ATL2: variants seen among roughly 807,000 people sequenced by gnomAD.
ATL2 encodes the protein atlastin GTPase 2, also known as atlastin-2.
Under a neutral mutation model 73.9 loss-of-function variants are expected in ATL2, and 31 were observed. That is an observed-to-expected ratio of 0.42 (90% CI 0.32 to 0.57). The LOEUF (loss-of-function observed/expected upper bound fraction) is 0.57, where lower values mean the gene tolerates loss of function less well. ATL2 is among the 20% of genes least tolerant of loss of function. The pLI is 0.14. For synonymous variants in ATL2, 291 were observed against 237.5 expected, an observed-to-expected ratio of 1.23 and a Z score of -2.07; for missense variants, 738 against 702.6, an observed-to-expected ratio of 1.05 and a Z score of -0.57.
intron 12 of ATL2, chr2:38,296,524 G>A (rs891343712): frequency 2.5e-6 from 4 of 1,613,846 alleles, no homozygotes; most frequent in Admixed American, 3.3e-5. Flanking sequence ...AGTCTCTGTC[G>A]CTGTGCTGAT....
intron 1 of ATL2, among the ~76,000 whole-genome samples, chr2:38,375,004 A>G (rs1671881791): frequency 6.6e-6 from 1 of 152,226 alleles, no homozygotes; most frequent in African/African-American, 2.4e-5. Flanking sequence ...AAGAATTTCA[A>G]AACACTTTAC....
At chr2:38,308,803 G>C (rs1447911455) in intron 9 of ATL2, among the ~76,000 whole-genome samples, 1 of 151,854 alleles carries the variant, frequency 6.6e-6, no homozygotes, top group Non-Finnish European at 1.5e-5. Context: ...ACTAAACAAA[G>C]ATAATATGAG....
Position 38,300,473 on chromosome 2 carries a change from G to A in ATL2, c.1072-145C>T, listed in dbSNP as rs187379401. On this transcript the variant is annotated intron_variant, in intron 9 of 12. Coordinates refer to ENST00000378954, the MANE Select transcript of ATL2 (RefSeq NM_001135673.4). ...TTAAAAATCACCTTATTCCAACAAA[G>A]TTAACCCTATTCTCAATATTATTAA... 2.4e-4 allele frequency: 131 copies of A among 556,008 alleles called. 1 individual carries two copies. Among genetic ancestry groups the A allele is most frequent in the Non-Finnish European group, 3.4e-4 (108 of 313,418 alleles). The allele number at this position is 556,008 out of a possible 1,614,324, so 34.4% of individuals were successfully genotyped here.
chr2:38,327,914 TGA>T, intron 2 of ATL2, among the ~76,000 whole-genome samples: 1 of 152,188 alleles, frequency 6.6e-6, no homozygotes. Context: ...CCAGCCTGGG[TGA>T]GAGAGTAAGA....
chr2:38,302,158 C>T (rs894367530), intron 9 of ATL2, among the ~76,000 whole-genome samples: 1 of 152,170 alleles, frequency 6.6e-6, no homozygotes, highest in South Asian at 2.1e-4. Flanking sequence ...ACTCAAGAGC[C>T]TCTGGGCTCT....
chr2:38,360,259 C>CTTT (rs566192942), intron 1 of ATL2, among the ~76,000 whole-genome samples: 13,626 of 135,302 alleles, frequency 0.1, 2,228 homozygotes, highest in African/African-American at 0.34. Context: ...TCAGGGGATT[C>CTTT]TTTTTTTTTT....
At chr2:38,345,867 G>A (rs1053653680) in intron 1 of ATL2, among the ~76,000 whole-genome samples, 3 of 152,220 alleles carry the variant, frequency 2.0e-5, no homozygotes, top group African/African-American at 7.2e-5. Context: ...ATGGGTGTGT[G>A]TCAAACAGGC....
intron 7 of ATL2, among the ~76,000 whole-genome samples, chr2:38,312,444 C>T (rs1019234483): frequency 1.3e-5 from 2 of 152,190 alleles, no homozygotes; most frequent in African/African-American, 2.4e-5. Context: ...GGTGCGGTGG[C>T]TCACGCCTGT....
chr2:38,376,554 G>T (rs1227970321), intron 1 of ATL2: 3 of 165,144 alleles, frequency 1.8e-5, no homozygotes, highest in African/African-American at 7.1e-5. Flanking sequence ...CGAGCCCGGG[G>T]ACAGAGCCCT....
chr2:38,359,365 G>A (rs185844712), intron 1 of ATL2, among the ~76,000 whole-genome samples: 1 of 151,918 alleles, frequency 6.6e-6, no homozygotes, highest in Non-Finnish European at 1.5e-5. Context: ...AGCTATTTGG[G>A]AGGCTGAGGC....
chr2:38,298,730 GTTA>G (rs1363238229), intron 11 of ATL2, among the ~76,000 whole-genome samples, 155 bp from the exon 12 acceptor site: 3 of 152,126 alleles, frequency 2.0e-5, no homozygotes, highest in Admixed American at 2.0e-4. Flanking sequence ...TCATAATCTA[GTTA>G]TTGTTTATAT....
intron 11 of ATL2, 28 bp from the exon 12 acceptor site, chr2:38,298,603 T>C (rs752967814): frequency 2.5e-6 from 4 of 1,572,504 alleles, no homozygotes; most frequent in South Asian, 2.4e-5. Flanking sequence ...CAGTATTACA[T>C]GCTAGAAATA....
In ATL2 at chr2:38,347,573, T is replaced by C. The variant is rs542769068; in HGVS notation, c.119-4061A>G. ...CTAAAACAACCTTTTTTCATTCGTT[T>C]AAATGTGTACCTGATATCTCCCACT... On this transcript the variant is annotated intron_variant, in intron 1 of 12. Coordinates refer to ENST00000378954, the MANE Select transcript of ATL2 (RefSeq NM_001135673.4). Among the ~76,000 whole-genome samples the C allele has an allele frequency of 6.6e-5, 10 of 152,270 alleles. No homozygotes were observed. In the South Asian group the frequency reaches 2.1e-3, roughly 32 times the overall value.
At chr2:38,373,380 T>C (rs1425802852) in intron 1 of ATL2, among the ~76,000 whole-genome samples, 1 of 152,212 alleles carries the variant, frequency 6.6e-6, no homozygotes, top group Non-Finnish European at 1.5e-5. Flanking sequence ...TGGGGACCAA[T>C]CATAAAGTTG....
chr2:38,298,128 A>G lies in ATL2; in HGVS notation c.1632+16T>C. The G allele has an allele frequency of 6.3e-7, 1 of 1,580,848 alleles. No individual in the cohort carries two copies. The highest frequency in any genetic ancestry group is 8.6e-7 in the Non-Finnish European group (1 of 1,163,676). On this transcript the variant is annotated intron_variant, in intron 12 of 12. Coordinates refer to ENST00000378954, the MANE Select transcript of ATL2 (RefSeq NM_001135673.4). ...AATAAGATTAGTCACTAAAAAACCA[A>G]AAGATAGATACCAACCTGTTCCCAT...
chr2:38,319,374 A>C (rs1375094218), intron 2 of ATL2, among the ~76,000 whole-genome samples: 1 of 152,046 alleles, frequency 6.6e-6, no homozygotes, highest in Non-Finnish European at 1.5e-5. Flanking sequence ...TGAAGTGGGC[A>C]TATCACTTGA....
At chr2:38,342,104 G>A (rs1262625671) in intron 2 of ATL2, among the ~76,000 whole-genome samples, 2 of 151,616 alleles carry the variant, frequency 1.3e-5, no homozygotes, top group Non-Finnish European at 2.9e-5. Context: ...TCCAACTCGA[G>A]TGAAAAAATT....
At chr2:38,303,957 G>T (rs976680510) in intron 9 of ATL2, among the ~76,000 whole-genome samples, 1 of 151,996 alleles carries the variant, frequency 6.6e-6, no homozygotes, top group African/African-American at 2.4e-5. Flanking sequence ...GTAGAGAAAT[G>T]ACGTCTCTGT....
At position 38,328,178 on chromosome 2, in the gene ATL2, A is replaced by C. The variant is rs75404697; in HGVS notation, c.364-9159T>G. ...AAAGATTAAGAGTTGCATTACACCA[A>C]AATATGTGAAGCAAAAATTGAACTC... is the stretch of plus-strand genomic sequence containing the variant. On this transcript the variant is annotated intron_variant, in intron 2 of 12. Coordinates refer to ENST00000378954, the MANE Select transcript of ATL2 (RefSeq NM_001135673.4). Among the ~76,000 whole-genome samples the C allele has an allele frequency of 6.9e-3, 1,045 of 152,314 alleles. 13 individuals are homozygous for C. The highest frequency in any genetic ancestry group is 0.057 in the East Asian group (294 of 5,180).
Sources: gnomAD v4.1 joint callset for allele counts (sites outside exome capture counted in the v4.1 genomes callset) on GRCh38, gnomAD v4.1.1 for gene constraint, MANE v1.5 for transcripts, NCBI Gene and HGNC (gene_info 2026-07-23, HGNC 2026-07-21) for gene names.